Variants in RNF217 observed in about 807,000 individuals in gnomAD.
RNF217 encodes the protein ring finger protein 217.
A neutral mutation model predicts 57.8 loss-of-function variants in RNF217; 31 were observed. That is an observed-to-expected ratio of 0.54 (90% CI 0.40 to 0.72). The LOEUF (loss-of-function observed/expected upper bound fraction) is 0.72. Ranked by LOEUF, RNF217 falls within the 30% of genes least tolerant of loss-of-function variation. The pLI is 0.00. For synonymous variants in RNF217, 313 were observed against 294.0 expected (o/e 1.06, Z -0.66); for missense variants, 696 against 708.3 (o/e 0.98, Z 0.20).
At chr6:124,997,235 G>A (rs1485888015) in intron 1 of RNF217, among the ~76,000 whole-genome samples, 1 of 152,086 alleles carries the variant, frequency 6.6e-6, no homozygotes, top group Non-Finnish European at 1.5e-5. Flanking sequence ...AGAGTTCACG[G>A]CTCCATGTAT....
intron 1 of RNF217, among the ~76,000 whole-genome samples, chr6:125,017,724 G>T (rs1785665400): frequency 6.6e-6 from 1 of 152,096 alleles, no homozygotes; most frequent in Non-Finnish European, 1.5e-5. Flanking sequence ...ACTTTGGAAG[G>T]TTATAATTAC....
At chr6:124,998,517 A>T (rs137897191) in intron 1 of RNF217, among the ~76,000 whole-genome samples, 78 of 152,230 alleles carry the variant, frequency 5.1e-4, no homozygotes, top group African/African-American at 1.8e-3. Flanking sequence ...ACTGTGTAGA[A>T]GGCCAGGTGC....
chr6:124,994,850 G>C (rs1454717643), intron 1 of RNF217, among the ~76,000 whole-genome samples: 2 of 152,268 alleles, frequency 1.3e-5, no homozygotes, highest in Admixed American at 1.3e-4. Flanking sequence ...GTGGCTGACT[G>C]TTGGCAGGCT....
rs937442384 is a variant in RNF217 at position 125,082,988 on chromosome 6, A to T, written c.*51A>T. The T allele has an allele frequency of 7.9e-7, 1 of 1,268,922 alleles. No homozygotes were observed. The highest frequency in any genetic ancestry group is 1.1e-6 in the Non-Finnish European group (1 of 901,552). The allele number at this position is 1,268,922 out of a possible 1,614,324, so 78.6% of individuals were successfully genotyped here. On this transcript the variant is annotated 3_prime_UTR_variant, in exon 6 of 6. Coordinates refer to ENST00000521654, the MANE Select transcript of RNF217 (RefSeq NM_001286398.3). ...GCTGGTTGGAGTAGGAGCGATACCAAAGGGTACACCCATCTGTGAGTCACA... is the reference window on the plus strand; with the variant it reads ...GCTGGTTGGAGTAGGAGCGATACCATAGGGTACACCCATCTGTGAGTCACA...
Position 124,962,462 on chromosome 6 carries a change from A to T in RNF217, c.-83A>T. ...AGAAGCGGAGCCGCGAGTCGAGCCG[A>T]GCCACTGCCCCCGCTGCCCGCGGGC... On this transcript the variant is annotated 5_prime_UTR_variant, in exon 1 of 6. Transcript: ENST00000521654. This position sits in a 1 kb window ranked among gnomAD's most constrained non-coding sequence, Gnocchi z 4.6. 1.9e-6 allele frequency: 1 copy of T among 533,112 alleles called. No homozygotes were observed. Among genetic ancestry groups the T allele is most frequent in the Non-Finnish European group, 2.6e-6 (1 of 389,782 alleles). 33.0% of individuals were successfully genotyped at this position (533,112 alleles called of 1,614,324 possible). A position where few individuals can be genotyped will look rare whatever the true frequency, so the allele number is the denominator to read the frequency against.
At chr6:125,028,128 T>C (rs1425824117) in intron 1 of RNF217, among the ~76,000 whole-genome samples, 1 of 152,174 alleles carries the variant, frequency 6.6e-6, no homozygotes, top group Non-Finnish European at 1.5e-5. Context: ...CTTTTTAACT[T>C]AATGTGATCC....
At position 124,987,974 on chromosome 6, in the gene RNF217, A is replaced by G. The variant is rs142249856; in HGVS notation, c.882+24548A>G. On this transcript the variant is annotated intron_variant, in intron 1 of 5. Transcript: ENST00000521654. ...CAAAGCCGTTAGATTAAGTGTCCCC[A>G]ATCCAGGGATCAATCCCCGGACTGT... 2.2e-3 allele frequency among the ~76,000 whole-genome samples: 340 copies of G among 152,310 alleles called. 2 individuals carry two copies. The highest frequency in any genetic ancestry group is 7.5e-3 in the African/African-American group (310 of 41,564).
chr6:125,073,385 A>G (rs1788225151), intron 3 of RNF217, among the ~76,000 whole-genome samples: 1 of 152,150 alleles, frequency 6.6e-6, no homozygotes, highest in African/African-American at 2.4e-5. Context: ...AAAGACCTTC[A>G]CCTGCACAGG....
At chr6:125,010,882 C>T (rs7744271) in intron 1 of RNF217, among the ~76,000 whole-genome samples, 133,674 of 152,060 alleles carry the variant, frequency 0.88, 58,815 homozygotes, top group Admixed American at 0.91. Flanking sequence ...AGGTCTACCA[C>T]GGTACCTAAA....
intron 3 of RNF217, among the ~76,000 whole-genome samples, chr6:125,061,989 T>C (rs1787753514): frequency 6.6e-6 from 1 of 152,010 alleles, no homozygotes; most frequent in Admixed American, 6.5e-5. Flanking sequence ...GGGATGACTT[T>C]CCCCTCATCA....
In RNF217 at chr6:124,963,135, TCCCAGCACCCGCTCTTCCTTC is replaced by T; in HGVS notation, c.598_618del (p.Thr200_Ser206del). 9 of 1,534,376 alleles carry T rather than the reference TCCCAGCACCCGCTCTTCCTTC, an allele frequency of 5.9e-6. No individual in the cohort carries two copies. Among genetic ancestry groups the T allele is most frequent in the Non-Finnish European group, 7.9e-6 (9 of 1,146,164 alleles). On this transcript the variant is annotated inframe_deletion, in exon 1 of 6. Coordinates refer to ENST00000521654, the MANE Select transcript of RNF217 (RefSeq NM_001286398.3). ...CTGGGGCTCCGCCAGTGTTGAACCC[TCCCAGCACCCGCTCTTCCTTC>T]CCCAGCCCCCGACTGTCCCTCCCAA...
chr6:125,072,852 A>AAG (rs200924116), intron 3 of RNF217, among the ~76,000 whole-genome samples: 7 of 79,136 alleles, frequency 8.8e-5, no homozygotes, highest in African/African-American at 7.2e-4. Flanking sequence ...ATAATAAAGA[A>AAG]ACACATGGAT....
At chr6:125,076,929 C>T in intron 4 of RNF217, 71 bp downstream of exon 4, 1 of 1,326,768 alleles carries the variant, frequency 7.5e-7, no homozygotes, top group Non-Finnish European at 1.1e-6. Flanking sequence ...TGGAAATGTG[C>T]AGCCATGGTA....
At chr6:125,020,816 A>G (rs963081060) in intron 1 of RNF217, among the ~76,000 whole-genome samples, 1 of 152,356 alleles carries the variant, frequency 6.6e-6, no homozygotes, top group Admixed American at 6.5e-5. Flanking sequence ...ATACTCTAAC[A>G]TATATTAAAG....
At chr6:125,068,097 A>T (rs1010319159) in intron 3 of RNF217, among the ~76,000 whole-genome samples, 4 of 152,170 alleles carry the variant, frequency 2.6e-5, no homozygotes, top group Admixed American at 2.6e-4. Flanking sequence ...TATTAAGAAC[A>T]TGCTGTGTGT....
intron 1 of RNF217, among the ~76,000 whole-genome samples, chr6:124,989,209 A>ATGAG (rs1294730458): frequency 6.6e-6 from 1 of 152,146 alleles, no homozygotes; most frequent in Non-Finnish European, 1.5e-5. Context: ...CAATATTTTG[A>ATGAG]TGAGCGCTTA....
At chr6:125,002,133 A>G (rs753582450) in intron 1 of RNF217, among the ~76,000 whole-genome samples, 16 of 152,188 alleles carry the variant, frequency 1.1e-4, no homozygotes, top group Non-Finnish European at 2.4e-4. Flanking sequence ...TAATCTCCAG[A>G]ATGGCTTACT....
chr6:124,989,047 A>G (rs1784456597), intron 1 of RNF217, among the ~76,000 whole-genome samples: 1 of 152,166 alleles, frequency 6.6e-6, no homozygotes, highest in African/African-American at 2.4e-5. Context: ...ATCTGCTACA[A>G]TATAATTTAA....
At chr6:125,054,697 T>C (rs978582060) in intron 2 of RNF217, among the ~76,000 whole-genome samples, 4 of 152,206 alleles carry the variant, frequency 2.6e-5, no homozygotes, top group Non-Finnish European at 5.9e-5. Flanking sequence ...CAATAAATTG[T>C]GGCCTGGGCG....
Sources: gnomAD v4.1 joint callset for allele counts (sites outside exome capture counted in the v4.1 genomes callset) on GRCh38, gnomAD v4.1.1 for gene constraint, Gnocchi (gnomAD v3.1) non-coding constraint, MANE v1.5 for transcripts, NCBI Gene and HGNC (gene_info 2026-07-23, HGNC 2026-07-21) for gene names.